CEL: variants seen among roughly 807,000 people sequenced by gnomAD.
CEL encodes the protein bile salt-activated lipase.
Under a neutral mutation model 57.1 loss-of-function variants are expected in CEL, and 39 were observed. That is an observed-to-expected ratio of 0.68 (90% confidence interval 0.53 to 0.89). The LOEUF (loss-of-function observed/expected upper bound fraction) is 0.89, where lower values mean the gene tolerates loss of function less well. Ranked by LOEUF, CEL falls within the 40% of genes least tolerant of loss-of-function variation. CEL has a pLI of 0.00. For synonymous variants in CEL, 314 were observed against 396.6 expected (o/e 0.79, Z 2.48); for missense variants, 698 against 915.0 (o/e 0.76, Z 3.06).
chr9:133,067,720 G>A (rs1830203227), intron 7 of CEL, among the ~76,000 whole-genome samples: 1 of 152,126 alleles, frequency 6.6e-6, no homozygotes, highest in South Asian at 2.1e-4. Context: ...CCTTTGAGAA[G>A]CTGATGAACA....
intron 2 of CEL, 35 bp from the exon 3 acceptor site, chr9:133,064,605 G>T: frequency 1.2e-6 from 2 of 1,613,772 alleles, no homozygotes; most frequent in South Asian, 2.2e-5. Flanking sequence ...GGTGAGGGCG[G>T]CTGCCTTCCT....
Position 133,066,742 on chromosome 9 carries a change from G to A in CEL, c.669+82G>A, listed in dbSNP as rs570015280. On this transcript the variant is annotated intron_variant, in intron 5 of 10. Coordinates refer to ENST00000372080, the MANE Select transcript of CEL (RefSeq NM_001807.6). The surrounding 1 kb of genome is among the most constrained non-coding windows in gnomAD (Gnocchi z 4.3). Reference sequence around the variant, plus strand: ...GGAAGGGGAGGGTGGGAGGAGGAGCGTGGAGCTGGGGCTGTGGTGCTGGGG... The same window carrying A: ...GGAAGGGGAGGGTGGGAGGAGGAGCATGGAGCTGGGGCTGTGGTGCTGGGG... 284 of 1,606,962 alleles carry A rather than the reference G, an allele frequency of 1.8e-4. 1 individual carries two copies. In the African/African-American group the frequency reaches 2.8e-3, roughly 16 times the overall value.
chr9:133,064,336 C>G lies in CEL; in HGVS notation c.67-68C>G. 4.4e-6 allele frequency: 7 copies of G among 1,604,710 alleles called. No individual in the cohort carries two copies. The South Asian group carries it at 6.6e-5, about 15-fold the overall frequency. ...CTCTGGGCACGCGGAGTCGGCTTGC[C>G]TTGCCCCCTCCGGATTCAGGCCGAT... On this transcript the variant is annotated intron_variant, in intron 1 of 10. Transcript: ENST00000372080.
chr9:133,062,963 GCCA>G (rs1167238048), intron 1 of CEL, among the ~76,000 whole-genome samples: 1 of 151,694 alleles, frequency 6.6e-6, no homozygotes, highest in Non-Finnish European at 1.5e-5. Context: ...TGAAGGAGAA[GCCA>G]CAGAAACCCC....
At position 133,069,758 on chromosome 9, in the gene CEL, G is replaced by C. The variant is rs1237489878; in HGVS notation, c.1286+499G>C. Among the ~76,000 whole-genome samples the C allele has an allele frequency of 2.0e-5, 3 of 152,108 alleles. 1 individual carries two copies. The South Asian group carries it at 6.2e-4, about 31-fold the overall frequency. On this transcript the variant is annotated intron_variant, in intron 9 of 10. Coordinates refer to ENST00000372080, the MANE Select transcript of CEL (RefSeq NM_001807.6). ...GGTCAAGGTGGGAGGATCACTTGAG[G>C]TCAGGAGTCTGAGACTAGTCTGGCC... is the stretch of plus-strand genomic sequence containing the variant.
intron 9 of CEL, among the ~76,000 whole-genome samples, chr9:133,069,464 T>C (rs987305731): frequency 1.6e-4 from 24 of 147,472 alleles, no homozygotes; most frequent in African/African-American, 6.1e-4. Context: ...TACAGGGCTT[T>C]ACAAACCCTA....
Position 133,070,514 on chromosome 9 carries a change from A to C in CEL, c.1340A>C (p.Tyr447Ser). 6.2e-7 allele frequency: 1 copy of C among 1,613,498 alleles called. No homozygotes were observed. Among genetic ancestry groups the C allele is most frequent in the Non-Finnish European group, 8.5e-7 (1 of 1,179,908 alleles). ...LFSHPSRMPVYPKWVGADHAD... is the reference protein window; with the variant it reads ...LFSHPSRMPVSPKWVGADHAD... Reference sequence around the variant, plus strand: ...TCCCATCCCTCTCGGATGCCCGTCTACCCCAAATGGGTGGGGGCCGACCAT... The same window carrying C: ...TCCCATCCCTCTCGGATGCCCGTCTCCCCCAAATGGGTGGGGGCCGACCAT... The change falls in exon 10 of 11, where the codon TAC (tyrosine) becomes TCC (serine). Residue 447 changes from tyrosine to serine, a missense_variant. Physicochemically the swap from Tyr to Ser is moderately radical, Grantham distance 144. Around this residue, in one of 6 missense-constraint regions of CEL, gnomAD observed 111 missense variants for 147.3 expected, o/e 0.75. Coordinates refer to ENST00000372080, the MANE Select transcript of CEL (RefSeq NM_001807.6).
rs1352139554 is a variant in CEL, at chr9:133,063,646, T to C, written c.67-758T>C. Among the ~76,000 whole-genome samples, 5 of 152,076 alleles carry C rather than the reference T, an allele frequency of 3.3e-5. No individual in the cohort carries two copies. In the East Asian group the frequency reaches 9.6e-4, roughly 29 times the overall value. The stretch of plus-strand genomic sequence containing the variant: ...GGCAGACAGCTGCTTCTCAACAGGG[T>C]GACTTCAAGCCCAAAAGCTGCCCAG... On this transcript the variant is annotated intron_variant, in intron 1 of 10. Transcript: ENST00000372080.
rs1564214571 is a variant in CEL at position 133,071,804 on chromosome 9, G to T, written c.*40G>T. 1.3e-6 allele frequency: 2 copies of T among 1,573,396 alleles called. No individual in the cohort carries two copies. Among genetic ancestry groups the T allele is most frequent in the Non-Finnish European group, 8.7e-7 (1 of 1,145,120 alleles). On this transcript the variant is annotated 3_prime_UTR_variant, in exon 11 of 11. Transcript: ENST00000372080. ...TGGTATCAAGAGGCCACAAGAGTGG[G>T]ACCCCAGGGGCTCCCCTCCCATCTT...
At chr9:133,068,456 G>T (rs1830215332) in intron 7 of CEL, among the ~76,000 whole-genome samples, 1 of 151,796 alleles carries the variant, frequency 6.6e-6, no homozygotes, top group Non-Finnish European at 1.5e-5. Flanking sequence ...AGCTGGGGAG[G>T]GGGTGCTCCT....
rs185977842 is a variant in CEL at position 133,065,056 on chromosome 9, C to T, written c.357C>T (p.Pro119=). The change falls in exon 4 of 11, where the codon CCC becomes CCT. Residue 119 remains proline, a synonymous_variant. Coordinates refer to ENST00000372080, the MANE Select transcript of CEL (RefSeq NM_001807.6). The part of the protein sequence containing the change: ...QGRKQVSRDL[P]VMIWIYGGAF... ...CCATCTCAGTCTCCCGGGACCTGCCCGTTATGATCTGGATCTATGGAGGCG... is the reference window on the plus strand; with the variant it reads ...CCATCTCAGTCTCCCGGGACCTGCCTGTTATGATCTGGATCTATGGAGGCG... 3.0e-5 allele frequency: 48 copies of T among 1,613,564 alleles called. 1 individual carries two copies. The East Asian group carries it at 6.0e-4, about 20-fold the overall frequency.
In CEL at chr9:133,071,694, CTG is replaced by C. The variant is rs1830280290; in HGVS notation, c.2193_2194del (p.Glu732GlyfsTer9). 6 of 1,609,288 alleles carry C rather than the reference CTG, an allele frequency of 3.7e-6. No homozygotes were observed. In the East Asian group the frequency reaches 1.3e-4, roughly 36 times the overall value. ...CCCCCTGTGCCCCCCACGGGTGACT[CTG>C]AGGCTGCCCCTGTGCCCCCCACAGA... On this transcript the variant is annotated frameshift_variant, in exon 11 of 11. Coordinates refer to ENST00000372080, the MANE Select transcript of CEL (RefSeq NM_001807.6). LOFTEE classifies it high-confidence loss of function.
At position 133,065,185 on chromosome 9, in the gene CEL, C is replaced by T; in HGVS notation, c.486C>T (p.Asn162=). Residue 162 remains asparagine (N), a synonymous_variant, in exon 4 of 11, where the codon AAC becomes AAT. Transcript: ENST00000372080. ...GAAACGTCATCGTGGTCACCTTCAA[C>T]TACCGTGTCGGCCCCCTTGGGTTCC... ...TRGNVIVVTF[N]YRVGPLGFLS... The T allele has an allele frequency of 6.2e-7, 1 of 1,613,896 alleles. No individual in the cohort carries two copies. Among genetic ancestry groups the T allele is most frequent in the South Asian group, 1.1e-5 (1 of 91,092 alleles).
intron 7 of CEL, among the ~76,000 whole-genome samples, chr9:133,068,416 G>A (rs2119065648): frequency 6.6e-6 from 1 of 152,222 alleles, no homozygotes; most frequent in South Asian, 2.1e-4. Flanking sequence ...GGGACGTGTG[G>A]CAGGGCCTGG....
intron 3 of CEL, 78 bp from the exon 4 acceptor site, chr9:133,064,962 G>A (rs1830151638): frequency 6.3e-7 from 1 of 1,586,198 alleles, no homozygotes; most frequent in Admixed American, 1.7e-5. Flanking sequence ...CCAGGCACCT[G>A]CTGCACAGGG....
At position 133,066,466 on chromosome 9, in the gene CEL, C is replaced by T; in HGVS notation, c.539-64C>T. On this transcript the variant is annotated intron_variant, in intron 4 of 10. Transcript: ENST00000372080. The surrounding 1 kb of genome is among the most constrained non-coding windows in gnomAD (Gnocchi z 4.3). ...ATTTCCACCCCACCTATGCTGATCT[C>T]CCCTCCTGGAGGCCAGGCCTGGGCC... The T allele has an allele frequency of 3.7e-6, 6 of 1,605,920 alleles. No individual in the cohort carries two copies. The highest frequency in any genetic ancestry group is 5.1e-6 in the Non-Finnish European group (6 of 1,174,964).
At position 133,071,340 on chromosome 9, in the gene CEL, C is replaced by T; in HGVS notation, c.1838C>T (p.Pro613Leu). The T allele has an allele frequency of 6.1e-6, 2 of 327,924 alleles. No homozygotes were observed. Among genetic ancestry groups the T allele is most frequent in the East Asian group, 4.5e-5 (1 of 21,994 alleles). 20.3% of individuals were successfully genotyped at this position (327,924 alleles called of 1,614,324 possible). Residue 613 changes from proline to leucine, a missense_variant, in exon 11 of 11, where the codon CCC becomes CTC. Physicochemically the swap from Pro to Leu is moderately conservative, Grantham distance 98. Transcript: ENST00000372080. Reference sequence around the variant, plus strand: ...CCGCCCACGGGTGACTCCGGGGCCCCCCCCGTGCCGCCCACGGGTGACTCC... The same window carrying T: ...CCGCCCACGGGTGACTCCGGGGCCCTCCCCGTGCCGCCCACGGGTGACTCC... ...PVPPTGDSGA[P>L]PVPPTGDSGA...
rs1269812562 is a variant in CEL, at chr9:133,065,081, G to A, written c.382G>A (p.Ala128Thr). ...CGTTATGATCTGGATCTATGGAGGC[G>A]CCTTCCTCATGGGGTCCGGCCATGG... is the stretch of plus-strand genomic sequence containing the variant. ...LPVMIWIYGG[A>T]FLMGSGHGAN... Residue 128 changes from alanine to threonine, a missense_variant, in exon 4 of 11, where the codon GCC (alanine) becomes ACC (threonine). Around this residue, in one of 6 missense-constraint regions of CEL, gnomAD observed 327 missense variants for 374.1 expected, o/e 0.87. Transcript: ENST00000372080. The A allele has an allele frequency of 3.1e-6, 5 of 1,613,704 alleles. No homozygotes were observed. The Admixed American group carries it at 5.0e-5, about 16-fold the overall frequency.
chr9:133,067,070 C>CCTTGG lies in CEL; in HGVS notation c.778-17_778-13dup, dbSNP rs1436020212. 8 of 1,613,480 alleles carry CCTTGG rather than the reference C, an allele frequency of 5.0e-6. No homozygotes were observed. In the Admixed American group the frequency reaches 1.2e-4, roughly 24 times the overall value. The stretch of plus-strand genomic sequence containing the variant: ...AGCTCCGGCCTCACCTACCTGCTGG[C>CCTTGG]CTTGGTTCTGCCCCCAGGTGGCTGA... On this transcript the variant is annotated splice_polypyrimidine_tract_variant and intron_variant, in intron 6 of 10. Transcript: ENST00000372080.
Sources: allele counts gnomAD v4.1 joint callset (sites outside exome capture counted in the v4.1 genomes callset), GRCh38; gene constraint gnomAD v4.1.1; regional missense constraint gnomAD v4.1.1; non-coding constraint Gnocchi (gnomAD v3.1); transcripts MANE v1.5; gene names NCBI Gene and HGNC (gene_info 2026-07-23, HGNC 2026-07-21).